The following USP37 variants were observed in gnomAD, a reference collection of about 807,000 sequenced individuals.
USP37 encodes the protein ubiquitin carboxyl-terminal hydrolase 37.
A neutral mutation model predicts 124.0 loss-of-function variants in USP37; 27 were observed. That is an observed-to-expected ratio of 0.22 (90% CI 0.16 to 0.30). USP37 has a LOEUF of 0.30. USP37 is among the 10% of genes least tolerant of loss of function. USP37 has a pLI of 1.00. For synonymous variants in USP37, 365 were observed against 388.0 expected, an observed-to-expected ratio of 0.94 and a Z score of 0.70; for missense variants, 889 against 1,140.4, an observed-to-expected ratio of 0.78 and a Z score of 3.17.
chr2:218,557,920 G>C (rs952401364), intron 4 of USP37, among the ~76,000 whole-genome samples: 18 of 20,916 alleles, frequency 8.6e-4, no homozygotes, highest in African/African-American at 2.2e-3. Context: ...GACAGAGGAA[G>C]ACTCTGTCTC....
At chr2:218,557,417 T>C (rs1283324155) in intron 4 of USP37, among the ~76,000 whole-genome samples, 2 of 151,952 alleles carry the variant, frequency 1.3e-5, no homozygotes, top group African/African-American at 2.4e-5. Context: ...TTAGCAGATA[T>C]ATGCATGTGA....
At chr2:218,498,354 T>C (rs1689183651) in intron 11 of USP37, 197 bp from the exon 12 acceptor site, 2 of 404,928 alleles carry the variant, frequency 4.9e-6, no homozygotes, top group Admixed American at 4.5e-5. Flanking sequence ...GGCACAAAAA[T>C]GTCCATTTCT....
intron 11 of USP37, among the ~76,000 whole-genome samples, chr2:218,498,980 T>A (rs1488559779): frequency 6.6e-6 from 1 of 152,048 alleles, no homozygotes; most frequent in Non-Finnish European, 1.5e-5. Flanking sequence ...AAATATATTT[T>A]AAAAACTTTT....
chr2:218,539,399 A>C (rs770902185), intron 8 of USP37, among the ~76,000 whole-genome samples: 10 of 152,102 alleles, frequency 6.6e-5, no homozygotes, highest in Non-Finnish European at 1.5e-4. Flanking sequence ...CTTACCATAG[A>C]TCTTCGCAAC....
At chr2:218,498,310 G>C in intron 11 of USP37, 153 bp from the exon 12 acceptor site, 1 of 714,190 alleles carries the variant, frequency 1.4e-6, no homozygotes, top group Non-Finnish European at 2.0e-6. Flanking sequence ...TTCTGATTCA[G>C]TAGGTTTGGA....
At chr2:218,463,412 T>A (rs1269682512) in intron 21 of USP37, 46 bp from the exon 22 acceptor site, 2 of 1,539,874 alleles carry the variant, frequency 1.3e-6, no homozygotes, top group Non-Finnish European at 1.8e-6. Flanking sequence ...GAGGTACTGA[T>A]TAAACTTACT....
chr2:218,460,614 T>C (rs1316148528), intron 22 of USP37, among the ~76,000 whole-genome samples: 1 of 152,176 alleles, frequency 6.6e-6, no homozygotes, highest in Non-Finnish European at 1.5e-5. Context: ...GAAAAAGGAT[T>C]ATAAAAAGGT....
chr2:218,488,252 C>A, intron 15 of USP37, 52 bp downstream of exon 15: 7 of 1,054,550 alleles, frequency 6.6e-6, no homozygotes, highest in South Asian at 3.2e-5. Flanking sequence ...TCAAATACAA[C>A]TATCAATGAT....
Position 218,556,503 on chromosome 2 carries a change from G to GGT in USP37, c.156+1994_156+1995insAC, listed in dbSNP as rs1692982327. On this transcript the variant is annotated intron_variant, in intron 4 of 25. Coordinates refer to ENST00000258399, the MANE Select transcript of USP37 (RefSeq NM_020935.3). ...GTATTTGGTTACTCTGGGTTTTTCT[G>GGT]TTTTTTTTTTTTTTTTTTTTTTTTT... Among the ~76,000 whole-genome samples the GGT allele has an allele frequency of 2.2e-4, 12 of 53,826 alleles. No individual in the cohort carries two copies. In the East Asian group the frequency reaches 6.5e-3, roughly 29 times the overall value. 35.3% of individuals were successfully genotyped at this position (53,826 alleles called of 152,430 possible).
intron 11 of USP37, among the ~76,000 whole-genome samples, chr2:218,499,687 T>C (rs150208314): frequency 6.6e-6 from 1 of 152,004 alleles, no homozygotes; most frequent in Non-Finnish European, 1.5e-5. Context: ...TTTTCATGTA[T>C]GTCTCTTTAG....
At chr2:218,461,867 T>C (rs557800362) in intron 22 of USP37, among the ~76,000 whole-genome samples, 3 of 151,116 alleles carry the variant, frequency 2.0e-5, no homozygotes, top group African/African-American at 7.3e-5. Flanking sequence ...TATAAAAAAT[T>C]AGCTGGAACC....
intron 8 of USP37, among the ~76,000 whole-genome samples, chr2:218,545,896 A>C (rs1440187666): frequency 1.3e-5 from 2 of 152,220 alleles, no homozygotes; most frequent in African/African-American, 4.8e-5. Flanking sequence ...AAGCATAAAG[A>C]AGACAAGAAG....
rs767623110 is a variant in USP37 at position 218,560,918 on chromosome 2, G to A, written c.-88-35C>T. The A allele has an allele frequency of 4.6e-5, 7 of 152,278 alleles. No homozygotes were observed. In the East Asian group the frequency reaches 9.6e-4, roughly 21 times the overall value. The allele number at this position is 152,278 out of a possible 1,614,324, so 9.4% of individuals were successfully genotyped here. A position where few individuals can be genotyped will look rare whatever the true frequency, so the allele number is the denominator to read the frequency against. On this transcript the variant is annotated intron_variant, in intron 2 of 25. Transcript: ENST00000258399. ...AAAGAAGATATATGAAAACACTTTC[G>A]AGAGTTTAAAGGTGTTAAGTATCAT... is the stretch of plus-strand genomic sequence containing the variant.
At chr2:218,556,607 G>A (rs1034570380) in intron 4 of USP37, among the ~76,000 whole-genome samples, 7 of 130,510 alleles carry the variant, frequency 5.4e-5, no homozygotes, top group Admixed American at 9.5e-5. Context: ...TCTGCCTCCC[G>A]GATTCAAGCT....
At chr2:218,478,251 C>T (rs908636468) in intron 18 of USP37, among the ~76,000 whole-genome samples, 3 of 152,168 alleles carry the variant, frequency 2.0e-5, no homozygotes, top group African/African-American at 7.2e-5. Flanking sequence ...TGCACTCCAA[C>T]CTGAACACTT....
chr2:218,549,464 CTTTT>C (rs35795642), intron 6 of USP37, among the ~76,000 whole-genome samples: 3 of 118,506 alleles, frequency 2.5e-5, no homozygotes, highest in African/African-American at 3.3e-5. Flanking sequence ...CTATGACTAT[CTTTT>C]TTTTTTTTTT....
rs910475792 is a variant in USP37, at chr2:218,520,181, A to G, written c.863+9775T>C. 5.3e-5 allele frequency among the ~76,000 whole-genome samples: 8 copies of G among 152,080 alleles called. No homozygotes were observed. The East Asian group carries it at 7.7e-4, about 15-fold the overall frequency. On this transcript the variant is annotated intron_variant, in intron 10 of 25. Coordinates refer to ENST00000258399, the MANE Select transcript of USP37 (RefSeq NM_020935.3). ...TCGAACTCCTGACCTCATGTGATCCACCCACCCACCTCAGCCTCCCAAAGT... is the reference window on the plus strand; with the variant it reads ...TCGAACTCCTGACCTCATGTGATCCGCCCACCCACCTCAGCCTCCCAAAGT...
intron 20 of USP37, among the ~76,000 whole-genome samples, chr2:218,470,090 G>C (rs527903935): frequency 6.6e-6 from 1 of 152,158 alleles, no homozygotes; most frequent in Non-Finnish European, 1.5e-5. Flanking sequence ...AAAGTGCTGG[G>C]ATTACAGGCG....
chr2:218,496,694 G>A (rs2105989351), intron 13 of USP37, among the ~76,000 whole-genome samples: 1 of 152,104 alleles, frequency 6.6e-6, no homozygotes, highest in East Asian at 1.9e-4. Context: ...TGTCACACAG[G>A]CTGGAGTACA....
Sources: allele counts gnomAD v4.1 joint callset (sites outside exome capture counted in the v4.1 genomes callset), GRCh38; gene constraint gnomAD v4.1.1; transcripts MANE v1.5; gene names NCBI Gene and HGNC (gene_info 2026-07-23, HGNC 2026-07-21).